Variants in TRIM64C observed in about 807,000 individuals in gnomAD.
TRIM64C encodes tripartite motif containing 64C.
In TRIM64C, 25 loss-of-function variants were observed where a neutral mutation model predicts 36.1. That is an observed-to-expected ratio of 0.69 (90% CI 0.51 to 0.97). TRIM64C has a LOEUF of 0.97. TRIM64C is among the 50% of genes least tolerant of loss of function. The probability of loss-of-function intolerance (pLI) is 0.00; values close to 1 mark genes in which losing one functional copy is unlikely to be tolerated. For missense variants in TRIM64C, 489 were observed against 536.8 expected, an observed-to-expected ratio of 0.91 and a Z score of 0.88; for synonymous variants, 212 against 185.7, an observed-to-expected ratio of 1.14 and a Z score of -1.15.
chr11:49,057,801 GA>G, intron 2 of TRIM64C: 1 of 514,934 alleles, frequency 1.9e-6, no homozygotes, highest in Non-Finnish European at 3.6e-6. Context: ...CAGTCTTAGT[GA>G]AAGGTTGTCT....
At position 49,057,304 on chromosome 11, in the gene TRIM64C, C is replaced by T. The variant is rs932309721; in HGVS notation, c.582G>A (p.Glu194=). The T allele has an allele frequency of 3.2e-6, 5 of 1,549,748 alleles. No individual in the cohort carries two copies. The South Asian group carries it at 3.6e-5, about 11-fold the overall frequency. The change falls in exon 3 of 6, where the codon GAG becomes GAA. Residue 194 remains glutamate (E), a synonymous_variant. Coordinates refer to ENST00000617704, the MANE Select transcript of TRIM64C (RefSeq NM_001206631.1). ...TTTCCAGTGCCTGCAGATGCCGTTGCTCCTCCTCATCGAGAAATATATGCA... is the reference window on the plus strand; with the variant it reads ...TTTCCAGTGCCTGCAGATGCCGTTGTTCCTCCTCATCGAGAAATATATGCA... ...QKMHIFLDEE[E]QRHLQALERE...
At chr11:49,058,609 C>T (rs1590645283) in intron 1 of TRIM64C, 92 bp downstream of exon 1, 1 of 1,516,554 alleles carries the variant, frequency 6.6e-7, no homozygotes, top group Non-Finnish European at 8.8e-7. Flanking sequence ...TCGCCACCTC[C>T]ACTATCTGCA....
chr11:49,058,177 C>A lies in TRIM64C; in HGVS notation c.413-5G>T, dbSNP rs1456957386. 1.9e-5 allele frequency: 29 copies of A among 1,496,142 alleles called. No homozygotes were observed. Among genetic ancestry groups the A allele is most frequent in the Non-Finnish European group, 2.4e-5 (27 of 1,116,460 alleles). 92.7% of individuals were successfully genotyped at this position (1,496,142 alleles called of 1,614,324 possible). On this transcript the variant is annotated splice_polypyrimidine_tract_variant and splice_region_variant and intron_variant, in intron 1 of 5. Coordinates refer to ENST00000617704, the MANE Select transcript of TRIM64C (RefSeq NM_001206631.1). ...CCATTTCCTTTATAAGTTTCTCTTG[C>A]AAAAGAAGCAAGAAGCTTAGCAATG...
chr11:49,055,553 AG>A (rs1230790646), intron 4 of TRIM64C, 146 bp from the exon 5 acceptor site: 2 of 1,080,564 alleles, frequency 1.9e-6, no homozygotes, highest in African/African-American at 3.2e-5. Context: ...TCCACACTCT[AG>A]GGGCCATAAG....
chr11:49,055,551 C>G, intron 4 of TRIM64C, 144 bp from the exon 5 acceptor site: 4 of 1,116,164 alleles, frequency 3.6e-6, no homozygotes, highest in Non-Finnish European at 5.0e-6. Context: ...ATTCCACACT[C>G]TAGGGGCCAT....
rs1363426084 is a variant in TRIM64C at position 49,054,161 on chromosome 11, A to G, written c.906T>C (p.Leu302=). ...ATATCACACGTCTCACATCCTCAGA[A>G]AGGCTTATATAGCAAGGAGTCATTT... ...STEMTPCYIS[L]SEDVRRVIFG... The change falls in exon 6 of 6, where the codon CTT becomes CTC. Residue 302 remains leucine, a synonymous_variant. Coordinates refer to ENST00000617704, the MANE Select transcript of TRIM64C (RefSeq NM_001206631.1). 1.0e-5 allele frequency: 16 copies of G among 1,551,434 alleles called. No homozygotes were observed. The Admixed American group carries it at 2.7e-4, about 27-fold the overall frequency.
rs1488236704 is a variant in TRIM64C at position 49,057,379 on chromosome 11, C to T, written c.508-1G>A. The T allele has an allele frequency of 6.5e-7, 1 of 1,549,576 alleles. No individual in the cohort carries two copies. The highest frequency in any genetic ancestry group is 2.0e-5 in the Admixed American group (1 of 50,986). On this transcript the variant is annotated splice_acceptor_variant, in intron 2 of 5. Coordinates refer to ENST00000617704, the MANE Select transcript of TRIM64C (RefSeq NM_001206631.1). LOFTEE classifies it high-confidence loss of function. ...TCACCTTCCTTAATGACACATAGTC[C>T]TGCAGAGACGTTTGGTTAAAAGGAT...
rs1854823354 is a variant in TRIM64C at position 49,057,183 on chromosome 11, C to A, written c.703G>T (p.Glu235Ter). 6.5e-7 allele frequency: 1 copy of A among 1,549,350 alleles called. No homozygotes were observed. The highest frequency in any genetic ancestry group is 1.4e-5 in the African/African-American group (1 of 72,568). The change falls in exon 3 of 6, where the codon GAG (glutamate) becomes TAG (stop). Residue 235 changes from glutamate (E) to a stop codon, truncating the protein, a stop_gained. Transcript: ENST00000617704. LOFTEE classifies it high-confidence loss of function. Reference sequence around the variant, plus strand: ...TCCACGTCAGGCATGTGGTATGTCTCCCACAGCTCTCTGTACATGTCTTTC... The same window carrying A: ...TCCACGTCAGGCATGTGGTATGTCTACCACAGCTCTCTGTACATGTCTTTC... The part of the protein sequence containing the change: ...GMKDMYRELW[E>*]TYHMPDVELL...
chr11:49,053,992 G>T lies in TRIM64C; in HGVS notation c.1075C>A (p.Arg359=), dbSNP rs578245950. Residue 359 remains arginine, a synonymous_variant, in exon 6 of 6, where the codon CGA becomes AGA. Coordinates refer to ENST00000617704, the MANE Select transcript of TRIM64C (RefSeq NM_001206631.1). ...TTGGTATCTGCTGTCCTAGAATCTC[G>T]ACAGACTCCCAGAATCCAGTTGGAG... ...HSSNWILGVC[R]DSRTADTNIV... The T allele has an allele frequency of 3.2e-6, 5 of 1,551,408 alleles. No homozygotes were observed. Among genetic ancestry groups the T allele is most frequent in the Admixed American group, 3.9e-5 (2 of 50,966 alleles).
rs540228209 is a variant in TRIM64C at position 49,056,423 on chromosome 11, T to C, written c.739-42A>G. The C allele has an allele frequency of 2.0e-4, 299 of 1,480,474 alleles. 4 individuals are homozygous for C. The South Asian group carries it at 2.9e-3, about 15-fold the overall frequency. 91.7% of individuals were successfully genotyped at this position (1,480,474 alleles called of 1,614,324 possible). On this transcript the variant is annotated intron_variant, in intron 3 of 5. Transcript: ENST00000617704. ...ATGTAATGTTAATTATGAGAGATTTTTCCTTCTGCATCTTTTCTCATACTC... is the reference window on the plus strand; with the variant it reads ...ATGTAATGTTAATTATGAGAGATTTCTCCTTCTGCATCTTTTCTCATACTC...
rs1279103230 is a variant in TRIM64C at position 49,058,795 on chromosome 11, G to A, written c.318C>T (p.Asp106=). 1.9e-5 allele frequency: 30 copies of A among 1,548,882 alleles called. No individual in the cohort carries two copies. Among genetic ancestry groups the A allele is most frequent in the Non-Finnish European group, 2.5e-5 (29 of 1,146,752 alleles). ...AGCAGGGCCCACAGAGCAATCTCTT[G>A]TCAGCCTCACAGAAGAGCTCCTTAG... The part of the protein sequence containing the change: ...EETKELFCEA[D]KRLLCGPCSE... Residue 106 remains aspartate, a synonymous_variant, in exon 1 of 6, where the codon GAC becomes GAT. Coordinates refer to ENST00000617704, the MANE Select transcript of TRIM64C (RefSeq NM_001206631.1).
rs766053232 is a variant in TRIM64C, at chr11:49,059,049, A to G, written c.64T>C (p.Phe22Leu). ...CAGTCAGTGGTGACCGGGTCTATGA[A>G]GTAGTTCACGCAAATGCAGCAAATG... ...ELICCICVNY[F>L]IDPVTTDCVH... The change falls in exon 1 of 6, where the codon TTC (phenylalanine) becomes CTC (leucine). Residue 22 changes from phenylalanine to leucine, a missense_variant. Transcript: ENST00000617704. 2.6e-5 allele frequency: 41 copies of G among 1,552,162 alleles called. No individual in the cohort carries two copies. The highest frequency in any genetic ancestry group is 3.6e-5 in the Non-Finnish European group (41 of 1,147,740).
chr11:49,059,102 T>C lies in TRIM64C; in HGVS notation c.11A>G (p.Asp4Gly), dbSNP rs1854852763. MDSDTLRVFQNELI... is the reference protein window; with the variant it reads MDSGTLRVFQNELI... ...CTCATTCTGGAAGACTCGCAGGGTG[T>C]CTGAATCCATGTTTCTTGAAATTAA... The change falls in exon 1 of 6, where the codon GAC (aspartate) becomes GGC (glycine). Residue 4 changes from aspartate to glycine, a missense_variant. By Grantham distance (94) the Asp-to-Gly change is moderately conservative. Coordinates refer to ENST00000617704, the MANE Select transcript of TRIM64C (RefSeq NM_001206631.1). 6.5e-7 allele frequency: 1 copy of C among 1,532,672 alleles called. No homozygotes were observed. Among genetic ancestry groups the C allele is most frequent in the Non-Finnish European group, 8.8e-7 (1 of 1,142,544 alleles). 94.9% of individuals were successfully genotyped at this position (1,532,672 alleles called of 1,614,324 possible).
At chr11:49,056,484 A>G in intron 3 of TRIM64C, 103 bp from the exon 4 acceptor site, 1 of 946,988 alleles carries the variant, frequency 1.1e-6, no homozygotes, top group Non-Finnish European at 1.6e-6. Context: ...AATAATGTAT[A>G]TCTTTTTATT....
chr11:49,057,763 A>G (rs1437845898), intron 2 of TRIM64C: 5 of 498,528 alleles, frequency 1.0e-5, no homozygotes, highest in Non-Finnish European at 1.9e-5. Context: ...TCTATATACT[A>G]TTCTATTTCT....
intron 2 of TRIM64C, chr11:49,057,635 A>G (rs1464516974): frequency 3.8e-6 from 2 of 527,012 alleles, no homozygotes; most frequent in African/African-American, 3.9e-5. Flanking sequence ...TGAGTCAATT[A>G]TTTCCTCTAT....
chr11:49,055,579 T>A (rs966580416), intron 4 of TRIM64C, among the ~76,000 whole-genome samples, 172 bp from the exon 5 acceptor site: 15 of 152,322 alleles, frequency 9.8e-5, no homozygotes, highest in Middle Eastern at 6.8e-3. Flanking sequence ...TTAATTTTTT[T>A]AAATTTTACT....
chr11:49,054,227 A>T lies in TRIM64C; in HGVS notation c.860-20T>A, dbSNP rs749958633. Reference sequence around the variant, plus strand: ...TATCCACTGACAAGGAAAAAATATTATATTAGTGAGTGCTATGAGGGACAG... The same window carrying T: ...TATCCACTGACAAGGAAAAAATATTTTATTAGTGAGTGCTATGAGGGACAG... On this transcript the variant is annotated intron_variant, in intron 5 of 5. Coordinates refer to ENST00000617704, the MANE Select transcript of TRIM64C (RefSeq NM_001206631.1). 6.5e-7 allele frequency: 1 copy of T among 1,548,050 alleles called. No individual in the cohort carries two copies.
chr11:49,056,357 A>T lies in TRIM64C; in HGVS notation c.761+2T>A. 1 of 1,542,076 alleles carries T rather than the reference A, an allele frequency of 6.5e-7. No individual in the cohort carries two copies. The highest frequency in any genetic ancestry group is 8.8e-7 in the Non-Finnish European group (1 of 1,140,610). ...ATAGCATTTTTTTTAGTGTAAACTC[A>T]CCTTGCCGATATATTTCCCACATCC... is the stretch of plus-strand genomic sequence containing the variant. On this transcript the variant is annotated splice_donor_variant, in intron 4 of 5. Transcript: ENST00000617704. LOFTEE classifies it high-confidence loss of function.
Sources: gnomAD v4.1 joint callset for allele counts (sites outside exome capture counted in the v4.1 genomes callset) on GRCh38, gnomAD v4.1.1 for gene constraint, MANE v1.5 for transcripts, NCBI Gene and HGNC (gene_info 2026-07-23, HGNC 2026-07-21) for gene names.